Variants in MFSD12 observed in about 807,000 individuals in gnomAD.
MFSD12 encodes major facilitator superfamily domain containing 12.
MFSD12 carries 67 observed loss-of-function variants against 51.2 expected under a neutral mutation model. The ratio of observed to expected loss-of-function variants is 1.31; its 90% confidence interval spans 1.08 to 1.60. MFSD12 has a LOEUF of 1.60. Among genes scored for constraint, MFSD12 ranks in the 40% most tolerant of loss-of-function variants. The pLI, the probability that MFSD12 is intolerant of heterozygous loss-of-function variation, is 0.00. For missense variants in MFSD12, 921 were observed against 673.0 expected (o/e 1.37, Z -4.08); for synonymous variants, 441 against 316.7 (o/e 1.39, Z -4.17).
At chr19:3,545,251 G>C (rs752374969) in intron 8 of MFSD12, among the ~76,000 whole-genome samples, 1 of 152,114 alleles carries the variant, frequency 6.6e-6, no homozygotes, top group African/African-American at 2.4e-5. Context: ...CTGTCCTCCC[G>C]GCAGCAACCA....
chr19:3,551,754 AATGTAAG>A lies in MFSD12; in HGVS notation c.299-567_299-561del, dbSNP rs1207467307. On this transcript the variant is annotated intron_variant, in intron 1 of 9. Coordinates refer to ENST00000355415, the MANE Select transcript of MFSD12 (RefSeq NM_174983.5). This position sits in a 1 kb window ranked among gnomAD's most constrained non-coding sequence, Gnocchi z 4.6. ...AAAACCCCTAAGATACCCTGGAACA[AATGTAAG>A]ATCCTCCCCGCAGCCCACGGAGCCC... Among the ~76,000 whole-genome samples, 1 of 152,078 alleles carries A rather than the reference AATGTAAG, an allele frequency of 6.6e-6. No homozygotes were observed. Among genetic ancestry groups the A allele is most frequent in the African/African-American group, 2.4e-5 (1 of 41,408 alleles).
At position 3,557,469 on chromosome 19, in the gene MFSD12, G is replaced by A. The variant is rs1169431173; in HGVS notation, c.-66C>T. 4 of 1,025,030 alleles carry A rather than the reference G, an allele frequency of 3.9e-6. No individual in the cohort carries two copies. The highest frequency in any genetic ancestry group is 1.7e-5 in the African/African-American group (1 of 58,706). The allele number at this position is 1,025,030 out of a possible 1,614,324, so 63.5% of individuals were successfully genotyped here. The stretch of plus-strand genomic sequence containing the variant: ...GAGGGTACCCTGGCCAGGCCTTCTT[G>A]GGTGCCGTGGGGGCAGGCGCCGGGG... On this transcript the variant is annotated 5_prime_UTR_variant, in exon 1 of 10. Transcript: ENST00000355415.
In MFSD12 at chr19:3,544,862, G is replaced by C. The variant is rs953323308; in HGVS notation, c.1367C>G (p.Ala456Gly). 2.0e-5 allele frequency: 32 copies of C among 1,611,618 alleles called. No individual in the cohort carries two copies. The African/African-American group carries it at 3.5e-4, about 17-fold the overall frequency. Reference protein sequence around the residue: ...MVAVTGGVGVAAALCLCSLLL... With the variant: ...MVAVTGGVGVGAALCLCSLLL... ...GAGGCTACAGAGACACAGGGCAGCG[G>C]CCACGCCCACGCCGCCCGTCACAGC... is the stretch of plus-strand genomic sequence containing the variant. The change falls in exon 9 of 10, where the codon GCC (alanine) becomes GGC (glycine). Residue 456 changes from alanine (A) to glycine (G), a missense_variant. Coordinates refer to ENST00000355415, the MANE Select transcript of MFSD12 (RefSeq NM_174983.5).
intron 1 of MFSD12, among the ~76,000 whole-genome samples, chr19:3,556,090 C>A (rs879930289): frequency 6.6e-6 from 1 of 152,186 alleles, no homozygotes; most frequent in East Asian, 1.9e-4. Context: ...GGGCAGAGAC[C>A]CCTGACCCTC....
rs2030752096 is a variant in MFSD12 at position 3,544,347 on chromosome 19, C to G, written c.*363G>C. 2 of 1,275,808 alleles carry G rather than the reference C, an allele frequency of 1.6e-6. No individual in the cohort carries two copies. The highest frequency in any genetic ancestry group is 3.7e-5 in the Admixed American group (1 of 26,710). The allele number at this position is 1,275,808 out of a possible 1,614,324, so 79.0% of individuals were successfully genotyped here. A position where few individuals can be genotyped will look rare whatever the true frequency, so the allele number is the denominator to read the frequency against. Reference sequence around the variant, plus strand: ...CGTCCTGAGGGGGCCCTGGCAGTGTCTGGAGACCCCCAGGCTGGAGGTGAG... The same window carrying G: ...CGTCCTGAGGGGGCCCTGGCAGTGTGTGGAGACCCCCAGGCTGGAGGTGAG... On this transcript the variant is annotated 3_prime_UTR_variant, in exon 10 of 10. Transcript: ENST00000355415.
chr19:3,543,138 C>T (rs1199397566), downstream of MFSD12: 5 of 1,511,856 alleles, frequency 3.3e-6, no homozygotes, highest in Non-Finnish European at 4.4e-6. Context: ...ACGCCGTGGG[C>T]CAGGCCTCTA....
downstream of MFSD12, chr19:3,543,778 G>T: frequency 5.4e-6 from 8 of 1,491,776 alleles, no homozygotes; most frequent in Non-Finnish European, 7.2e-6. Context: ...GCCCCTTGCT[G>T]GCCAACGGCG....
Position 3,544,801 on chromosome 19 carries a change from G to C in MFSD12, c.1420+8C>G, listed in dbSNP as rs11668025. On this transcript the variant is annotated splice_region_variant and intron_variant, in intron 9 of 9. Transcript: ENST00000355415. Reference sequence around the variant, plus strand: ...TGTCTGGGGAGGGAGGGGTGGGCCAGGACTCACAGCGTCGCAGGCGGGTCG... The same window carrying C: ...TGTCTGGGGAGGGAGGGGTGGGCCACGACTCACAGCGTCGCAGGCGGGTCG... 1 of 1,611,784 alleles carries C rather than the reference G, an allele frequency of 6.2e-7. No individual in the cohort carries two copies. The highest frequency in any genetic ancestry group is 8.5e-7 in the Non-Finnish European group (1 of 1,178,980).
rs376969303 is a variant in MFSD12 at position 3,547,515 on chromosome 19, G to A, written c.870C>T (p.Ile290=). The A allele has an allele frequency of 1.2e-5, 20 of 1,612,624 alleles. No individual in the cohort carries two copies. The highest frequency in any genetic ancestry group is 5.0e-5 in the Admixed American group (3 of 59,908). ...CCATGTAGGTCTGGGACAGGTTCAC[G>A]ATGAGCCTGGTGGTCATGTACAGTA... The part of the protein sequence containing the change: ...VGILYMTTRL[I]VNLSQTYMAM... Residue 290 remains isoleucine (I), a synonymous_variant, in exon 5 of 10, where the codon ATC becomes ATT. Coordinates refer to ENST00000355415, the MANE Select transcript of MFSD12 (RefSeq NM_174983.5).
chr19:3,552,190 CAG>C (rs2031511284), intron 1 of MFSD12, among the ~76,000 whole-genome samples: 1 of 149,620 alleles, frequency 6.7e-6, no homozygotes, highest in African/African-American at 2.5e-5. Flanking sequence ...TTTTTTTAGA[CAG>C]AGTCTTGCTC....
At chr19:3,549,163 G>C (rs921065819) in intron 2 of MFSD12, among the ~76,000 whole-genome samples, 2 of 152,192 alleles carry the variant, frequency 1.3e-5, no homozygotes, top group Non-Finnish European at 2.9e-5. Context: ...CATCATCCTC[G>C]TAACCAGAAG....
intron 4 of MFSD12, 137 bp from the exon 5 acceptor site, chr19:3,547,684 G>T: frequency 1.7e-6 from 2 of 1,174,258 alleles, no homozygotes; most frequent in Non-Finnish European, 1.2e-6. Flanking sequence ...CAGTGGGGTG[G>T]GCCAGGAAGA....
At position 3,557,364 on chromosome 19, in the gene MFSD12, G is replaced by A; in HGVS notation, c.40C>T (p.Pro14Ser). 3 of 1,503,260 alleles carry A rather than the reference G, an allele frequency of 2.0e-6. No homozygotes were observed. The highest frequency in any genetic ancestry group is 2.7e-6 in the Non-Finnish European group (3 of 1,126,350). The allele number at this position is 1,503,260 out of a possible 1,614,324, so 93.1% of individuals were successfully genotyped here. Residue 14 changes from proline (P) to serine (S), a missense_variant, in exon 1 of 10, where the codon CCG becomes TCG. Transcript: ENST00000355415. ...CGCGCCACCAGGGACAGCGGCCGCG[G>A]GGACGGCGCCGCTCCGGCCGCTGGG... ...GPPAAGAAPS[P>S]RPLSLVARLS...
At chr19:3,548,080 CT>C in intron 3 of MFSD12, 42 bp downstream of exon 3, 1 of 1,602,122 alleles carries the variant, frequency 6.2e-7, no homozygotes, top group Non-Finnish European at 8.5e-7. Flanking sequence ...GCCCCCGCCC[CT>C]GGCTCGAGGA....
intron 6 of MFSD12, 57 bp from the exon 7 acceptor site, chr19:3,546,482 C>T (rs1402203574): frequency 1.3e-6 from 2 of 1,530,556 alleles, no homozygotes; most frequent in Non-Finnish European, 1.8e-6. Context: ...AAGCCTGGCG[C>T]TTCAATCCGC....
chr19:3,547,868 G>A lies in MFSD12; in HGVS notation c.817C>T (p.Arg273Trp), dbSNP rs375366508. The A allele has an allele frequency of 2.6e-5, 39 of 1,523,696 alleles. No homozygotes were observed. The highest frequency in any genetic ancestry group is 2.5e-4 in the South Asian group (20 of 80,058). 94.4% of individuals were successfully genotyped at this position (1,523,696 alleles called of 1,614,324 possible). ...QPLLLWKHWL[R>W]EPAFYQVGIL... Reference sequence around the variant, plus strand: ...CGCACCTGGTAGAAAGCCGGCTCCCGGAGCCAGTGCTTCCAGAGCAGCAGG... The same window carrying A: ...CGCACCTGGTAGAAAGCCGGCTCCCAGAGCCAGTGCTTCCAGAGCAGCAGG... The change falls in exon 4 of 10, where the codon CGG becomes TGG. Residue 273 changes from arginine to tryptophan, a missense_variant. By Grantham distance (101) the Arg-to-Trp change is moderately radical. Transcript: ENST00000355415.
chr19:3,544,832 A>G lies in MFSD12; in HGVS notation c.1397T>C (p.Leu466Pro). ...AAALCLCSLL[L>P]WPTRLRRWDR... ...ACAGCGTCGCAGGCGGGTCGGCCAC[A>G]GCAGGAGGCTACAGAGACACAGGGC... is the stretch of plus-strand genomic sequence containing the variant. Residue 466 changes from leucine (L) to proline (P), a missense_variant, in exon 9 of 10, where the codon CTG becomes CCG. Transcript: ENST00000355415. 6.2e-7 allele frequency: 1 copy of G among 1,612,620 alleles called. No homozygotes were observed. Among genetic ancestry groups the G allele is most frequent in the Non-Finnish European group, 8.5e-7 (1 of 1,179,692 alleles).
At position 3,538,778 on chromosome 19, in the gene MFSD12, A is replaced by C. The variant is rs1318803443; in HGVS notation, c.*6-22T>G. On this transcript the variant is annotated intron_variant, in intron 4 of 4. Coordinates refer to the MFSD12 transcript ENST00000398558. ...CATCCTGGGTGTATTTTACAAACGG[A>C]CTGGATGTGAGTGGGTGAGGAGTGA... 5 of 524,628 alleles carry C rather than the reference A, an allele frequency of 9.5e-6. No individual in the cohort carries two copies. In the African/African-American group the frequency reaches 9.5e-5, roughly 10 times the overall value. 32.5% of individuals were successfully genotyped at this position (524,628 alleles called of 1,614,324 possible).
At chr19:3,550,915 C>G in intron 2 of MFSD12, 69 bp downstream of exon 2, 1 of 1,325,626 alleles carries the variant, frequency 7.5e-7, no homozygotes, top group Non-Finnish European at 1.1e-6. Flanking sequence ...GCTCATTATG[C>G]AGTGCCACTG....
Sources: allele counts gnomAD v4.1 joint callset (sites outside exome capture counted in the v4.1 genomes callset), GRCh38; gene constraint gnomAD v4.1.1; non-coding constraint Gnocchi (gnomAD v3.1); transcripts MANE v1.5; gene names NCBI Gene and HGNC (gene_info 2026-07-23, HGNC 2026-07-21).